The following KCNMA1 variants were observed in gnomAD, a reference collection of about 807,000 sequenced individuals.
KCNMA1 encodes the protein Calcium-activated potassium channel subunit alpha-1.
In KCNMA1, 29 loss-of-function variants were observed where a neutral mutation model predicts 140.0. The ratio of observed to expected loss-of-function variants is 0.21; its 90% CI spans 0.15 to 0.28. KCNMA1 has a LOEUF of 0.28. KCNMA1 is among the 10% of genes least tolerant of loss of function. KCNMA1 has a pLI of 1.00. For synonymous variants in KCNMA1, 612 were observed against 611.9 expected, an observed-to-expected ratio of 1.00 and a Z score of 0.00; for missense variants, 880 against 1,602.2, an observed-to-expected ratio of 0.55 and a Z score of 7.70.
At chr10:77,442,441 C>G (rs1397285282) in intron 1 of KCNMA1, among the ~76,000 whole-genome samples, 2 of 152,092 alleles carry the variant, frequency 1.3e-5, no homozygotes, top group Non-Finnish European at 2.9e-5. Context: ...CTCCCTACCC[C>G]TAATCTTAGC....
exon 28 of KCNMA1, chr10:76,869,801 T>A (rs1035959647): frequency 2.0e-5 from 3 of 152,610 alleles, no homozygotes; most frequent in African/African-American, 7.2e-5. Context: ...TTAATCATAA[T>A]CATAATCATA....
chr10:77,023,118 T>C (rs7078109), intron 16 of KCNMA1, among the ~76,000 whole-genome samples: 101,140 of 152,080 alleles, frequency 0.67, 36,107 homozygotes, highest in Middle Eastern at 0.84. Context: ...TCACATTTCA[T>C]TGGGTATCTC....
intron 25 of KCNMA1, among the ~76,000 whole-genome samples, chr10:76,896,351 T>C (rs866935167): frequency 1.3e-5 from 2 of 152,212 alleles, no homozygotes; most frequent in Non-Finnish European, 2.9e-5. Context: ...AGCCAGACTT[T>C]AAGGTTATCT....
intron 2 of KCNMA1, among the ~76,000 whole-genome samples, chr10:77,308,802 C>T (rs561670746): frequency 2.0e-5 from 3 of 152,284 alleles, no homozygotes; most frequent in African/African-American, 7.2e-5. Flanking sequence ...CCATATTCCC[C>T]TGAGATACCC....
chr10:77,018,918 A>G lies in KCNMA1; in HGVS notation c.2015+95T>C, dbSNP rs146199532. 7.3e-4 allele frequency: 549 copies of G among 747,350 alleles called. 2 individuals are homozygous for G. Among genetic ancestry groups the G allele is most frequent in the Middle Eastern group, 2.3e-3 (10 of 4,380 alleles). 46.3% of individuals were successfully genotyped at this position (747,350 alleles called of 1,614,324 possible). On this transcript the variant is annotated intron_variant, in intron 17 of 27. Transcript: ENST00000286628. ...ACCAGTTGATGGCCATAGACATGTT[A>G]AGGAGTTTTGGGGTTATGGAAGCCT...
chr10:77,162,898 T>C (rs1051650959), intron 5 of KCNMA1, among the ~76,000 whole-genome samples: 7 of 152,228 alleles, frequency 4.6e-5, no homozygotes, highest in Non-Finnish European at 1.0e-4. Flanking sequence ...GGGGTTCATA[T>C]TTCCTACACG....
chr10:77,634,182 T>C (rs1413463729), intron 1 of KCNMA1: 2 of 985,280 alleles, frequency 2.0e-6, no homozygotes, highest in African/African-American at 1.7e-5. Context: ...TATGACAGGA[T>C]TGAACTTCAC....
intron 9 of KCNMA1, among the ~76,000 whole-genome samples, chr10:77,103,820 G>A (rs887955717): frequency 2.3e-4 from 35 of 152,160 alleles, no homozygotes; most frequent in African/African-American, 7.0e-4. Flanking sequence ...ACCCTTAGGG[G>A]TAGTGGGTGG....
intron 1 of KCNMA1, among the ~76,000 whole-genome samples, chr10:77,599,376 C>T (rs1249267335): frequency 6.6e-6 from 1 of 152,158 alleles, no homozygotes; most frequent in Non-Finnish European, 1.5e-5. Context: ...CGATTTCCTC[C>T]AGCCAGATGA....
At chr10:76,976,890 A>T (rs902625185) in intron 19 of KCNMA1, among the ~76,000 whole-genome samples, 1 of 152,190 alleles carries the variant, frequency 6.6e-6, no homozygotes. Flanking sequence ...ATGGAATTCT[A>T]AGAGGAAATG....
chr10:77,274,949 G>A (rs1023557303), intron 2 of KCNMA1, among the ~76,000 whole-genome samples: 3 of 152,224 alleles, frequency 2.0e-5, no homozygotes, highest in Non-Finnish European at 2.9e-5. Flanking sequence ...GCTGGCCATG[G>A]TGTCCACCAT....
intron 1 of KCNMA1, among the ~76,000 whole-genome samples, chr10:77,532,706 A>C (rs2057960720): frequency 6.6e-6 from 1 of 152,242 alleles, no homozygotes; most frequent in Non-Finnish European, 1.5e-5. Flanking sequence ...TTACAGAAGA[A>C]TTTTACAACC....
chr10:76,974,472 C>G (rs2076925698), intron 19 of KCNMA1: 19 of 1,486,472 alleles, frequency 1.3e-5, no homozygotes, highest in Non-Finnish European at 1.7e-5. Flanking sequence ...GGAATGGGTC[C>G]CAGTCTTCCT....
At chr10:76,958,144 G>GCC (rs2069171760) in intron 20 of KCNMA1, among the ~76,000 whole-genome samples, 1 of 152,200 alleles carries the variant, frequency 6.6e-6, no homozygotes, top group Non-Finnish European at 1.5e-5. Flanking sequence ...TGGGCCGTTT[G>GCC]TTGTATGGAA....
At chr10:77,338,854 C>G (rs17486941) in intron 2 of KCNMA1, among the ~76,000 whole-genome samples, 5,095 of 152,294 alleles carry the variant, frequency 0.033, 111 homozygotes, top group Middle Eastern at 0.075. Context: ...AAATACCTAA[C>G]AGGTGCTCAA....
intron 2 of KCNMA1, among the ~76,000 whole-genome samples, chr10:77,289,071 C>G (rs1345069644): frequency 6.6e-6 from 1 of 152,212 alleles, no homozygotes; most frequent in Non-Finnish European, 1.5e-5. Context: ...AATGACAATC[C>G]TGGCCCTAAC....
At position 76,899,282 on chromosome 10, in the gene KCNMA1, A is replaced by G. The variant is rs192878550; in HGVS notation, c.3148-7563T>C. ...GGACTTTTTAAAACTTGATAAAATT[A>G]TGCTAAATTTCCCCTGGAAAGAGTT... On this transcript the variant is annotated intron_variant, in intron 25 of 27. Coordinates refer to ENST00000286628, the MANE Select transcript of KCNMA1 (RefSeq NM_001161352.2). Among the ~76,000 whole-genome samples the G allele has an allele frequency of 1.0e-3, 156 of 152,272 alleles. 1 individual carries two copies. Among genetic ancestry groups the G allele is most frequent in the African/African-American group, 3.6e-3 (151 of 41,578 alleles).
intron 7 of KCNMA1, among the ~76,000 whole-genome samples, chr10:77,110,824 T>C (rs2097302815): frequency 6.6e-6 from 1 of 152,194 alleles, no homozygotes; most frequent in African/African-American, 2.4e-5. Context: ...CATCAGTTTA[T>C]CCAAAGAGTA....
chr10:77,498,001 A>C (rs1374135250), intron 1 of KCNMA1, among the ~76,000 whole-genome samples: 1 of 152,232 alleles, frequency 6.6e-6, no homozygotes, highest in Non-Finnish European at 1.5e-5. Context: ...CTTCAAAATC[A>C]AAACAAATCC....
Sources: gnomAD v4.1 joint callset for allele counts (sites outside exome capture counted in the v4.1 genomes callset) on GRCh38, gnomAD v4.1.1 for gene constraint, MANE v1.5 for transcripts, NCBI Gene and HGNC (gene_info 2026-07-23, HGNC 2026-07-21) for gene names.